CYP27A1: variants seen among roughly 807,000 people sequenced by gnomAD.
CYP27A1 encodes the protein cytochrome P450 family 27 subfamily A member 1.
CYP27A1 carries 46 observed loss-of-function variants against 58.2 expected under a neutral mutation model. The observed-to-expected ratio is 0.79, with a 90% confidence interval of 0.62 to 1.01. The LOEUF (loss-of-function observed/expected upper bound fraction) is 1.01, where lower values mean the gene tolerates loss of function less well. Ranked by LOEUF, CYP27A1 falls within the 50% of genes least tolerant of loss-of-function variation. The pLI is 0.00. For missense variants in CYP27A1, 704 were observed against 687.0 expected (o/e 1.02, Z -0.28); for synonymous variants, 274 against 285.1 (o/e 0.96, Z 0.39).
chr2:218,791,112 A>G (rs1293232338), intron 1 of CYP27A1, among the ~76,000 whole-genome samples: 1 of 152,222 alleles, frequency 6.6e-6, no homozygotes, highest in Non-Finnish European at 1.5e-5. Context: ...CTGGGATGAC[A>G]GGCATGAGCC....
intron 1 of CYP27A1, among the ~76,000 whole-genome samples, chr2:218,785,052 T>C (rs1943428697): frequency 6.6e-6 from 1 of 152,344 alleles, no homozygotes; most frequent in African/African-American, 2.4e-5. Context: ...AATGAAATAA[T>C]TATGCAACTC....
At chr2:218,786,595 T>A (rs187944700) in intron 1 of CYP27A1, among the ~76,000 whole-genome samples, 13 of 152,132 alleles carry the variant, frequency 8.5e-5, no homozygotes, top group Non-Finnish European at 1.9e-4. Flanking sequence ...TATGTTGCAT[T>A]TATGCCAAAT....
Position 218,809,619 on chromosome 2 carries a change from T to C in CYP27A1, c.298T>C (p.Leu100=). 6.2e-7 allele frequency: 1 copy of C among 1,614,122 alleles called. No individual in the cohort carries two copies. The highest frequency in any genetic ancestry group is 8.5e-7 in the Non-Finnish European group (1 of 1,180,026). Residue 100 remains leucine, a synonymous_variant, in exon 2 of 9, where the codon TTA becomes CTA. Coordinates refer to ENST00000258415, the MANE Select transcript of CYP27A1 (RefSeq NM_000784.4). Reference sequence around the variant, plus strand: ...GTACGGTCCAATGTGGATGTCCTACTTAGGGCCTCAGATGCACGTGAACCT... The same window carrying C: ...GTACGGTCCAATGTGGATGTCCTACCTAGGGCCTCAGATGCACGTGAACCT... ...AKYGPMWMSY[L]GPQMHVNLAS... is the part of the protein sequence containing the mutation.
chr2:218,801,700 T>C (rs556519030), intron 1 of CYP27A1, among the ~76,000 whole-genome samples: 3 of 152,300 alleles, frequency 2.0e-5, no homozygotes, highest in South Asian at 2.1e-4. Flanking sequence ...ATTTTCTGCA[T>C]AGATATACTA....
At position 218,814,665 on chromosome 2, in the gene CYP27A1, C is replaced by T; in HGVS notation, c.1384C>T (p.His462Tyr). ...NSQPATPRIQ[H>Y]PFGSVPFGYG... Reference sequence around the variant, plus strand: ...CCAGCCTGCTACCCCCAGGATCCAGCACCCATTTGGCTCTGTGCCCTTTGG... The same window carrying T: ...CCAGCCTGCTACCCCCAGGATCCAGTACCCATTTGGCTCTGTGCCCTTTGG... Residue 462 changes from histidine (H) to tyrosine (Y), a missense_variant, in exon 8 of 9, where the codon CAC becomes TAC. By Grantham distance (83) the His-to-Tyr change is moderately conservative (BLOSUM62 2). Coordinates refer to ENST00000258415, the MANE Select transcript of CYP27A1 (RefSeq NM_000784.4). The T allele has an allele frequency of 3.7e-6, 6 of 1,614,256 alleles. No homozygotes were observed. The highest frequency in any genetic ancestry group is 4.2e-6 in the Non-Finnish European group (5 of 1,180,048).
At chr2:218,811,065 C>T (rs138655362) in intron 2 of CYP27A1, among the ~76,000 whole-genome samples, 4 of 152,234 alleles carry the variant, frequency 2.6e-5, no homozygotes, top group African/African-American at 4.8e-5. Flanking sequence ...GCAGGAGAAT[C>T]GCTTGAACCT....
At position 218,813,095 on chromosome 2, in the gene CYP27A1, C is replaced by T. The variant is rs121908102; in HGVS notation, c.1016C>T (p.Thr339Met). The change falls in exon 5 of 9, where the codon ACG (threonine) becomes ATG (methionine). Residue 339 changes from threonine (T) to methionine (M), a missense_variant and splice_region_variant. Transcript: ENST00000258415. ...LPELLMAGVD[T>M]TSNTLTWALY... is the part of the protein sequence containing the mutation. ...GAGCTGCTCATGGCTGGAGTGGACA[C>T]GGTGCGTGAAGGGGGAGGGTGAGAC... is the stretch of plus-strand genomic sequence containing the variant. 105 of 1,608,960 alleles carry T rather than the reference C, an allele frequency of 6.5e-5. No homozygotes were observed. Among genetic ancestry groups the T allele is most frequent in the Middle Eastern group, 1.7e-4 (1 of 5,930 alleles).
rs762365759 is a variant in CYP27A1 at position 218,812,747 on chromosome 2, T to C, written c.842T>C (p.Phe281Ser). The C allele has an allele frequency of 1.9e-6, 3 of 1,614,162 alleles. No individual in the cohort carries two copies. Among genetic ancestry groups the C allele is most frequent in the Non-Finnish European group, 2.5e-6 (3 of 1,180,034 alleles). The change falls in exon 4 of 9, where the codon TTT becomes TCT. Residue 281 changes from phenylalanine to serine, a missense_variant and splice_region_variant. Transcript: ENST00000258415. Reference protein sequence around the residue: ...YLDGWNAIFSFGKKLIDEKLE... With the variant: ...YLDGWNAIFSSGKKLIDEKLE... Reference sequence around the variant, plus strand: ...GATGGTTGGAATGCCATCTTTTCCTTTGGTGAGGACTCCCAGATGGGGCCC... The same window carrying C: ...GATGGTTGGAATGCCATCTTTTCCTCTGGTGAGGACTCCCAGATGGGGCCC...
At chr2:218,802,994 G>A (rs1199293158) in intron 1 of CYP27A1, among the ~76,000 whole-genome samples, 1 of 152,174 alleles carries the variant, frequency 6.6e-6, no homozygotes, top group Non-Finnish European at 1.5e-5. Context: ...ACTCAGGCTG[G>A]AGTGCAGTGG....
chr2:218,802,975 C>T (rs1195727221), intron 1 of CYP27A1, among the ~76,000 whole-genome samples: 1 of 152,232 alleles, frequency 6.6e-6, no homozygotes, highest in Non-Finnish European at 1.5e-5. Context: ...GGCAGAGTCT[C>T]ATTCTGTCAC....
chr2:218,800,083 C>T (rs965982960), intron 1 of CYP27A1, among the ~76,000 whole-genome samples: 27 of 152,012 alleles, frequency 1.8e-4, no homozygotes, highest in African/African-American at 6.3e-4. Flanking sequence ...CCTGCTAGAC[C>T]GCAGCCAAGG....
At chr2:218,804,805 T>C (rs1048463177) in intron 1 of CYP27A1, among the ~76,000 whole-genome samples, 2 of 152,240 alleles carry the variant, frequency 1.3e-5, no homozygotes, top group African/African-American at 4.8e-5. Context: ...CTATCATTAG[T>C]CTGTTTGGGC....
At chr2:218,792,761 G>A (rs147953955) in intron 1 of CYP27A1, among the ~76,000 whole-genome samples, 60 of 152,200 alleles carry the variant, frequency 3.9e-4, no homozygotes, top group African/African-American at 1.3e-3. Flanking sequence ...TACAATTTTG[G>A]AACATATATT....
At chr2:218,791,810 G>C (rs1943496059) in intron 1 of CYP27A1, among the ~76,000 whole-genome samples, 1 of 152,146 alleles carries the variant, frequency 6.6e-6, no homozygotes, top group Non-Finnish European at 1.5e-5. Flanking sequence ...ACCATGAAAA[G>C]CTTTCTTTTC....
At position 218,787,431 on chromosome 2, in the gene CYP27A1, G is replaced by A. The variant is rs1324483357; in HGVS notation, c.255+4994G>A. ...TAAATGTTGTCATCACATTCAGCATGGGCAGATTACTGGGGACTGACCCAC... is the reference window on the plus strand; with the variant it reads ...TAAATGTTGTCATCACATTCAGCATAGGCAGATTACTGGGGACTGACCCAC... On this transcript the variant is annotated intron_variant, in intron 1 of 8. Transcript: ENST00000258415. Among the ~76,000 whole-genome samples, 3 of 152,190 alleles carry A rather than the reference G, an allele frequency of 2.0e-5. No homozygotes were observed. The East Asian group carries it at 5.8e-4, about 29-fold the overall frequency.
At position 218,795,843 on chromosome 2, in the gene CYP27A1, C is replaced by T. The variant is rs577160555; in HGVS notation, c.255+13406C>T. 3.9e-5 allele frequency among the ~76,000 whole-genome samples: 6 copies of T among 152,190 alleles called. No individual in the cohort carries two copies. In the South Asian group the frequency reaches 1.0e-3, roughly 26 times the overall value. On this transcript the variant is annotated intron_variant, in intron 1 of 8. Transcript: ENST00000258415. The stretch of plus-strand genomic sequence containing the variant: ...AGTAGACTTTAGTCTTATACTTGGC[C>T]TGATTATTTGCATAAAGTACAGCAA...
Position 218,814,393 on chromosome 2 carries a change from G to T in CYP27A1, c.1198G>T (p.Val400Phe). Residue 400 changes from valine to phenylalanine, a missense_variant, in exon 7 of 9, where the codon GTC becomes TTC. Physicochemically the swap from Val to Phe is conservative, Grantham distance 50. Transcript: ENST00000258415. ...LKETLRLYPV[V>F]PTNSRIIEKE... ...TTTTCCCTGCAGTCTCTACCCTGTG[G>T]TCCCCACAAACTCCCGGATCATAGA... The T allele has an allele frequency of 6.2e-7, 1 of 1,614,192 alleles. No homozygotes were observed. Among genetic ancestry groups the T allele is most frequent in the Non-Finnish European group, 8.5e-7 (1 of 1,180,018 alleles).
rs777935791 is a variant in CYP27A1 at position 218,814,460 on chromosome 2, T to C, written c.1263+2T>C. 1.9e-6 allele frequency: 3 copies of C among 1,614,134 alleles called. No homozygotes were observed. The South Asian group carries it at 3.3e-5, about 18-fold the overall frequency. On this transcript the variant is annotated splice_donor_variant, in intron 7 of 8. Coordinates refer to ENST00000258415, the MANE Select transcript of CYP27A1 (RefSeq NM_000784.4). LOFTEE classifies it high-confidence loss of function. ...GATGGCTTCCTCTTCCCCAAGAACG[T>C]GAGTGGGGCTAGAGAGCCCGATTGC...
intron 2 of CYP27A1, 139 bp downstream of exon 2, chr2:218,809,906 G>C: frequency 2.7e-6 from 2 of 741,198 alleles, no homozygotes; most frequent in Admixed American, 2.9e-5. Flanking sequence ...GAGAGCAGTT[G>C]TTGGGAGGTG....
Sources: gnomAD v4.1 joint callset for allele counts (sites outside exome capture counted in the v4.1 genomes callset) on GRCh38, gnomAD v4.1.1 for gene constraint, MANE v1.5 for transcripts, NCBI Gene and HGNC (gene_info 2026-07-23, HGNC 2026-07-21) for gene names.